The following GALK2 variants were observed in gnomAD, a reference collection of about 807,000 sequenced individuals.
The protein encoded by GALK2 is N-acetylgalactosamine kinase.
GALK2 carries 36 observed loss-of-function variants against 52.4 expected under a neutral mutation model. The observed-to-expected ratio is 0.69, with a 90% CI of 0.53 to 0.91. The LOEUF (loss-of-function observed/expected upper bound fraction) is 0.91, where lower values mean the gene tolerates loss of function less well. Ranked by LOEUF, GALK2 falls within the 40% of genes least tolerant of loss-of-function variation. GALK2 has a pLI of 0.00. For synonymous variants in GALK2, 176 were observed against 199.1 expected (o/e 0.88, Z 0.98); for missense variants, 579 against 559.1 (o/e 1.04, Z -0.36).
intron 5 of GALK2, among the ~76,000 whole-genome samples, chr15:49,242,694 A>G (rs1156443813): frequency 6.6e-6 from 1 of 152,242 alleles, no homozygotes; most frequent in African/African-American, 2.4e-5. Flanking sequence ...AGAAAACAAT[A>G]TGGCTAATCA....
At chr15:49,276,627 A>G (rs1172011435) in intron 5 of GALK2, among the ~76,000 whole-genome samples, 1 of 152,188 alleles carries the variant, frequency 6.6e-6, no homozygotes, top group Non-Finnish European at 1.5e-5. Flanking sequence ...TCAGTGTCCC[A>G]AAGGACAGAC....
At chr15:49,174,553 C>T (rs898319457) in intron 1 of GALK2, among the ~76,000 whole-genome samples, 2 of 152,098 alleles carry the variant, frequency 1.3e-5, no homozygotes, top group African/African-American at 4.8e-5. Context: ...ACTATGTTGG[C>T]CGGGCTGGTT....
chr15:49,261,749 C>T (rs987478896), intron 5 of GALK2, among the ~76,000 whole-genome samples: 1 of 151,972 alleles, frequency 6.6e-6, no homozygotes, highest in Non-Finnish European at 1.5e-5. Flanking sequence ...CCCATCAATA[C>T]CTAATTTATT....
At chr15:49,230,194 G>GA (rs1466225412) in intron 3 of GALK2, among the ~76,000 whole-genome samples, 1 of 152,150 alleles carries the variant, frequency 6.6e-6, no homozygotes, top group Non-Finnish European at 1.5e-5. Context: ...TGATGTGCAA[G>GA]TTGCTTAAGA....
intron 2 of GALK2, among the ~76,000 whole-genome samples, chr15:49,202,898 C>A (rs756206863): frequency 2.6e-5 from 4 of 152,126 alleles, no homozygotes; most frequent in Admixed American, 6.5e-5. Context: ...GTCATCCTAA[C>A]TGAAGTGAGA....
At position 49,329,155 on chromosome 15, in the gene GALK2, T is replaced by C. The variant is rs2038102493; in HGVS notation, c.*996T>C. On this transcript the variant is annotated 3_prime_UTR_variant, in exon 10 of 10. Coordinates refer to ENST00000560031, the MANE Select transcript of GALK2 (RefSeq NM_002044.4). Reference sequence around the variant, plus strand: ...TATATGCACCCCATTGTAAAGCAGGTATGCAGGTATGTGGGTGAAAGTGAC... The same window carrying C: ...TATATGCACCCCATTGTAAAGCAGGCATGCAGGTATGTGGGTGAAAGTGAC... 1.0e-6 allele frequency: 1 copy of C among 987,908 alleles called. No homozygotes were observed. The allele number at this position is 987,908 out of a possible 1,614,324, so 61.2% of individuals were successfully genotyped here. A position where few individuals can be genotyped will look rare whatever the true frequency, so the allele number is the denominator to read the frequency against.
intron 1 of GALK2, among the ~76,000 whole-genome samples, chr15:49,174,829 T>G (rs1219982169): frequency 1.3e-5 from 2 of 152,212 alleles, no homozygotes; most frequent in Non-Finnish European, 2.9e-5. Context: ...GATGATAGCA[T>G]CTTTGTCTTC....
chr15:49,193,089 C>T (rs1339238535), intron 1 of GALK2, among the ~76,000 whole-genome samples: 5 of 151,302 alleles, frequency 3.3e-5, no homozygotes, highest in Non-Finnish European at 7.4e-5. Context: ...CCTCCACCTC[C>T]GGGGTTCAAG....
chr15:49,308,453 TATCTC>T (rs1469307722), intron 8 of GALK2, among the ~76,000 whole-genome samples: 1 of 152,240 alleles, frequency 6.6e-6, no homozygotes, highest in Non-Finnish European at 1.5e-5. Context: ...GATTTCCAGT[TATCTC>T]AGACCAGCAT....
intron 3 of GALK2, among the ~76,000 whole-genome samples, chr15:49,354,505 T>G (rs1452524429): frequency 1.3e-5 from 2 of 152,066 alleles, no homozygotes; most frequent in African/African-American, 2.4e-5. Flanking sequence ...TGGAAAATCG[T>G]GTCACTCCCA....
intron 1 of GALK2, among the ~76,000 whole-genome samples, chr15:49,185,182 A>T (rs1201540407): frequency 6.6e-6 from 1 of 151,956 alleles, no homozygotes; most frequent in Non-Finnish European, 1.5e-5. Context: ...GTTTATGTTC[A>T]TGTGTGCTCA....
At chr15:49,215,095 A>G (rs1198274558) in intron 2 of GALK2, among the ~76,000 whole-genome samples, 1 of 152,210 alleles carries the variant, frequency 6.6e-6, no homozygotes, top group Non-Finnish European at 1.5e-5. Context: ...CCTACTAGAC[A>G]TATTGGAGCC....
intron 5 of GALK2, among the ~76,000 whole-genome samples, chr15:49,250,877 C>T (rs1311668062): frequency 6.6e-6 from 1 of 152,000 alleles, no homozygotes; most frequent in Non-Finnish European, 1.5e-5. Flanking sequence ...CTACTATATC[C>T]AAAGCAAACG....
At chr15:49,251,168 A>G (rs2091582875) in intron 5 of GALK2, among the ~76,000 whole-genome samples, 1 of 152,196 alleles carries the variant, frequency 6.6e-6, no homozygotes, top group Non-Finnish European at 1.5e-5. Context: ...ATGACATTGG[A>G]TACAAAAAAT....
At chr15:49,349,925 C>T (rs1555447782) in intron 3 of GALK2, among the ~76,000 whole-genome samples, 2 of 151,910 alleles carry the variant, frequency 1.3e-5, no homozygotes, top group Admixed American at 6.6e-5. Flanking sequence ...CCAACCAAAA[C>T]AAAATGAGAG....
chr15:49,355,672 T>C (rs1596462793), intron 3 of GALK2, among the ~76,000 whole-genome samples: 1 of 151,738 alleles, frequency 6.6e-6, no homozygotes, highest in Non-Finnish European at 1.5e-5. Context: ...CTCTGCAGGA[T>C]ATTATCCAGG....
rs925191246 is a variant in GALK2 at position 49,211,258 on chromosome 15, C to T, written c.143-5932C>T. Among the ~76,000 whole-genome samples, 9 of 152,284 alleles carry T rather than the reference C, an allele frequency of 5.9e-5. 1 individual carries two copies. The highest frequency in any genetic ancestry group is 1.3e-4 in the Non-Finnish European group (9 of 68,024). ...GGGCACAATGCCTCCAGACTCTTTG[C>T]TAAAGCATAACAAAAGTGACCTTTA... On this transcript the variant is annotated intron_variant, in intron 2 of 9. Coordinates refer to ENST00000560031, the MANE Select transcript of GALK2 (RefSeq NM_002044.4).
intron 8 of GALK2, among the ~76,000 whole-genome samples, chr15:49,298,735 C>T (rs1221257588): frequency 6.6e-6 from 1 of 152,112 alleles, no homozygotes; most frequent in Non-Finnish European, 1.5e-5. Flanking sequence ...GTTGAACTAA[C>T]CTTTGCATCC....
chr15:49,226,968 A>C (rs2090170193), intron 3 of GALK2, among the ~76,000 whole-genome samples: 1 of 152,130 alleles, frequency 6.6e-6, no homozygotes. Context: ...GTCTAGTTTT[A>C]TTCTGTTGTA....
Sources: allele counts gnomAD v4.1 joint callset (sites outside exome capture counted in the v4.1 genomes callset), GRCh38; gene constraint gnomAD v4.1.1; transcripts MANE v1.5; gene names NCBI Gene and HGNC (gene_info 2026-07-23, HGNC 2026-07-21).